The following KLC2 variants were observed in gnomAD, a reference collection of about 807,000 sequenced individuals.
The protein encoded by KLC2 is KLC 2.
A neutral mutation model predicts 75.1 loss-of-function variants in KLC2; 35 were observed. The ratio of observed to expected loss-of-function variants is 0.47; its 90% CI spans 0.36 to 0.62. The LOEUF (loss-of-function observed/expected upper bound fraction) is 0.62, where lower values mean the gene tolerates loss of function less well. KLC2 is among the 20% of genes least tolerant of loss of function. The probability of loss-of-function intolerance (pLI) is 0.00; values close to 1 mark genes in which losing one functional copy is unlikely to be tolerated. For missense variants in KLC2, 611 were observed against 833.2 expected (o/e 0.73, Z 3.28); for synonymous variants, 314 against 336.7 (o/e 0.93, Z 0.74).
chr11:66,266,966 G>A lies in KLC2; in HGVS notation c.*10G>A. 2 of 1,611,418 alleles carry A rather than the reference G, an allele frequency of 1.2e-6. No homozygotes were observed. Among genetic ancestry groups the A allele is most frequent in the East Asian group, 2.2e-5 (1 of 44,866 alleles). On this transcript the variant is annotated 3_prime_UTR_variant, in exon 16 of 16. Coordinates refer to ENST00000394067, the MANE Select transcript of KLC2 (RefSeq NM_001318734.2). ...CTCCCTGGTGGGCTAATGCTGAAGG[G>A]GCAGCCAGTCACCAGAGCGCCCACC...
Position 66,267,637 on chromosome 11 carries a change from C to T in KLC2, c.*681C>T, listed in dbSNP as rs1856935572. 5.1e-6 allele frequency: 3 copies of T among 588,746 alleles called. No individual in the cohort carries two copies. The highest frequency in any genetic ancestry group is 9.1e-6 in the Non-Finnish European group (3 of 330,414). The allele number at this position is 588,746 out of a possible 1,614,324, so 36.5% of individuals were successfully genotyped here. The stretch of plus-strand genomic sequence containing the variant: ...CGCCGGGCCCTGCCCCGCATCCCGG[C>T]CTTATGCACTGCCCCTCCCACCCGG... On this transcript the variant is annotated 3_prime_UTR_variant, in exon 16 of 16. Coordinates refer to ENST00000394067, the MANE Select transcript of KLC2 (RefSeq NM_001318734.2).
intron 10 of KLC2, 46 bp from the exon 11 acceptor site, chr11:66,265,122 C>T (rs1856722460): frequency 6.2e-6 from 10 of 1,609,634 alleles, no homozygotes; most frequent in Non-Finnish European, 8.5e-6. Context: ...CTGGGATGTG[C>T]AGAGGGGGGC....
chr11:66,261,499 TCTC>T (rs1856412301), intron 2 of KLC2: 1 of 487,128 alleles, frequency 2.1e-6, no homozygotes, highest in Non-Finnish European at 3.7e-6. Context: ...CTTTTGGGGT[TCTC>T]CTGATCCTAG....
At chr11:66,266,537 T>A in intron 15 of KLC2, 47 bp downstream of exon 15, 1 of 1,540,158 alleles carries the variant, frequency 6.5e-7, no homozygotes, top group Non-Finnish European at 9.0e-7. Flanking sequence ...CGGCCGGGGC[T>A]GCATGCGTGC....
chr11:66,267,743 T>A lies in KLC2; in HGVS notation c.*787T>A. 1 of 461,296 alleles carries A rather than the reference T, an allele frequency of 2.2e-6. No homozygotes were observed. Among genetic ancestry groups the A allele is most frequent in the East Asian group, 3.4e-5 (1 of 29,186 alleles). 28.6% of individuals were successfully genotyped at this position (461,296 alleles called of 1,614,324 possible). On this transcript the variant is annotated 3_prime_UTR_variant, in exon 16 of 16. Transcript: ENST00000394067. Reference sequence around the variant, plus strand: ...CTCGCCTCCCCCCACGCCTGCAGCTTCTCGCGAGGGGCGGCGACGGTCCCC... The same window carrying A: ...CTCGCCTCCCCCCACGCCTGCAGCTACTCGCGAGGGGCGGCGACGGTCCCC...
chr11:66,266,686 T>A (rs28728376), intron 15 of KLC2, 187 bp from the exon 16 acceptor site: 1 of 841,570 alleles, frequency 1.2e-6, no homozygotes. Context: ...CGGCCAGTGC[T>A]AACACCGTCA....
Position 66,267,146 on chromosome 11 carries a change from T to G in KLC2, c.*190T>G. ...GGAGGCTGGGCCTGCCCACTCCAGCTCCATCCCTTATTTATTCCTTCCAGC... is the reference window on the plus strand; with the variant it reads ...GGAGGCTGGGCCTGCCCACTCCAGCGCCATCCCTTATTTATTCCTTCCAGC... On this transcript the variant is annotated 3_prime_UTR_variant, in exon 16 of 16. Coordinates refer to ENST00000394067, the MANE Select transcript of KLC2 (RefSeq NM_001318734.2). The G allele has an allele frequency of 1.3e-6, 2 of 1,540,950 alleles. No individual in the cohort carries two copies. Among genetic ancestry groups the G allele is most frequent in the Non-Finnish European group, 1.8e-6 (2 of 1,141,478 alleles).
rs1194039330 is a variant in KLC2, at chr11:66,261,800, G to A, written c.287G>A (p.Arg96Gln). 7 of 1,613,020 alleles carry A rather than the reference G, an allele frequency of 4.3e-6. No individual in the cohort carries two copies. The highest frequency in any genetic ancestry group is 1.1e-5 in the South Asian group (1 of 91,026). Residue 96 changes from arginine to glutamine, a missense_variant, in exon 3 of 16, where the codon CGG becomes CAG. Physicochemically the swap from Arg to Gln is conservative, Grantham distance 43 (BLOSUM62 1). Transcript: ENST00000394067. Reference sequence around the variant, plus strand: ...GTAGAATCAGAGAAGCAGAAGCTGCGGGCGCAGGTGCGGCGTCTGGTGCAG... The same window carrying A: ...GTAGAATCAGAGAAGCAGAAGCTGCAGGCGCAGGTGCGGCGTCTGGTGCAG... The part of the protein sequence containing the change: ...GAVESEKQKL[R>Q]AQVRRLVQEN...
At chr11:66,258,293 C>A in intron 1 of KLC2, 4 of 434,174 alleles carry the variant, frequency 9.2e-6, no homozygotes, top group Non-Finnish European at 1.3e-5. Flanking sequence ...CATACCTGTC[C>A]TGGTTAGGGG....
chr11:66,262,478 C>T, intron 4 of KLC2: 1 of 553,860 alleles, frequency 1.8e-6, no homozygotes, highest in Non-Finnish European at 3.2e-6. Context: ...CGAATCACCT[C>T]TGAAGGAGGC....
chr11:66,266,245 A>G (rs1358705324), intron 14 of KLC2, 28 bp downstream of exon 14: 2 of 1,578,624 alleles, frequency 1.3e-6, no homozygotes, highest in Non-Finnish European at 1.7e-6. Flanking sequence ...GTGAGCCTCA[A>G]GAACCACCCA....
rs1162675986 is a variant in KLC2, at chr11:66,258,759, G to A, written c.165G>A (p.Gln55=). ...PEAGEAEPGS[Q]ERCILLRRSL... is the part of the protein sequence containing the mutation. ...CCGGCGAAGCCGAGCCTGGCTCGCA[G>A]GAGCGCTGCATCCTCCTGCGTCGCT... The change falls in exon 2 of 16, where the codon CAG becomes CAA. Residue 55 remains glutamine, a synonymous_variant. Coordinates refer to ENST00000394067, the MANE Select transcript of KLC2 (RefSeq NM_001318734.2). 1 of 1,613,586 alleles carries A rather than the reference G, an allele frequency of 6.2e-7. No individual in the cohort carries two copies.
At chr11:66,260,090 T>C (rs896167148) in intron 2 of KLC2, among the ~76,000 whole-genome samples, 1 of 152,096 alleles carries the variant, frequency 6.6e-6, no homozygotes, top group Non-Finnish European at 1.5e-5. Context: ...CCTGGGGAAG[T>C]TGTATCATTT....
At chr11:66,250,848 T>C in the KLC2 span, among the ~76,000 whole-genome samples, 1 of 152,220 alleles carries the variant, frequency 6.6e-6, no homozygotes, top group African/African-American at 2.4e-5. Context: ...GGATGGTGAG[T>C]GCCAGTGGGA....
rs1435265935 is a variant in KLC2, at chr11:66,258,560, C to T, written c.-11-24C>T. 8 of 1,553,020 alleles carry T rather than the reference C, an allele frequency of 5.2e-6. No individual in the cohort carries two copies. The East Asian group carries it at 9.1e-5, about 18-fold the overall frequency. ...GTGTGGCCCCAGGCCCGGCGCCCGCCTGCCCGCACCCTCGTCCTCACAGAC... is the reference window on the plus strand; with the variant it reads ...GTGTGGCCCCAGGCCCGGCGCCCGCTTGCCCGCACCCTCGTCCTCACAGAC... On this transcript the variant is annotated intron_variant, in intron 1 of 15. Coordinates refer to ENST00000394067, the MANE Select transcript of KLC2 (RefSeq NM_001318734.2).
intron 11 of KLC2, 86 bp from the exon 12 acceptor site, chr11:66,265,569 G>A: frequency 9.0e-7 from 1 of 1,116,880 alleles, no homozygotes; most frequent in Non-Finnish European, 1.3e-6. Context: ...GGAGGTCCAT[G>A]CTTCCTCAGG....
chr11:66,253,332 A>C (rs775273143), upstream of KLC2, among the ~76,000 whole-genome samples: 2 of 152,160 alleles, frequency 1.3e-5, no homozygotes, highest in African/African-American at 2.4e-5. Context: ...ACTTCAGAGA[A>C]AGGGAGGGAA....
At chr11:66,266,760 C>T (rs1309717932) in intron 15 of KLC2, 113 bp from the exon 16 acceptor site, 20 of 1,138,808 alleles carry the variant, frequency 1.8e-5, no homozygotes, top group Non-Finnish European at 2.5e-5. Context: ...CTGCCATTGC[C>T]TCTGCCCAGC....
the KLC2 span, among the ~76,000 whole-genome samples, chr11:66,245,513 TA>T: frequency 6.6e-6 from 1 of 151,906 alleles, no homozygotes; most frequent in Non-Finnish European, 1.5e-5. Flanking sequence ...GTCAGGAGAT[TA>T]AGACCATCCT....
Sources: allele counts gnomAD v4.1 joint callset (sites outside exome capture counted in the v4.1 genomes callset), GRCh38; gene constraint gnomAD v4.1.1; transcripts MANE v1.5; gene names NCBI Gene and HGNC (gene_info 2026-07-23, HGNC 2026-07-21).